Variants in CD8B2 observed in about 807,000 individuals in gnomAD.
CD8B2 encodes CD8B family member 2.
In CD8B2, 11 loss-of-function variants were observed where a neutral mutation model predicts 23.7. The observed-to-expected ratio is 0.46, with a 90% CI of 0.29 to 0.77. The LOEUF (loss-of-function observed/expected upper bound fraction) is 0.77. Among genes scored for constraint, CD8B2 ranks in the 30% least tolerant of loss-of-function variants. CD8B2 has a pLI of 0.09. For missense variants in CD8B2, 197 were observed against 270.5 expected (o/e 0.73, Z 1.91); for synonymous variants, 90 against 109.3 (o/e 0.82, Z 1.10).
rs1043673871 is a variant in CD8B2 at position 106,507,488 on chromosome 2, C to T, written c.*548C>T. 16 of 985,118 alleles carry T rather than the reference C, an allele frequency of 1.6e-5. No homozygotes were observed. The highest frequency in any genetic ancestry group is 1.2e-4 in the Admixed American group (2 of 16,272). 61.0% of individuals were successfully genotyped at this position (985,118 alleles called of 1,614,324 possible). A position where few individuals can be genotyped will look rare whatever the true frequency, so the allele number is the denominator to read the frequency against. On this transcript the variant is annotated 3_prime_UTR_variant, in exon 6 of 6. Transcript: ENST00000643224. Reference sequence around the variant, plus strand: ...AGTCTCTGAGGGCTTCCTTTGGGGCCGGGAACTTGCGGGTTTGAGGATAGG... The same window carrying T: ...AGTCTCTGAGGGCTTCCTTTGGGGCTGGGAACTTGCGGGTTTGAGGATAGG...
intron 5 of CD8B2, among the ~76,000 whole-genome samples, chr2:106,504,640 A>C (rs1335943177): frequency 1.3e-5 from 2 of 152,218 alleles, no homozygotes; most frequent in Non-Finnish European, 2.9e-5. Flanking sequence ...CAGGAACCTA[A>C]GAGATAACCT....
chr2:106,535,827 G>A (rs553951584), intron 5 of CD8B2, among the ~76,000 whole-genome samples: 144 of 152,250 alleles, frequency 9.5e-4, no homozygotes, highest in African/African-American at 3.3e-3. Context: ...ATAAATACCT[G>A]AGGCTGGGCA....
At chr2:106,524,099 T>C (rs1300303383) in intron 5 of CD8B2, among the ~76,000 whole-genome samples, 1 of 152,128 alleles carries the variant, frequency 6.6e-6, no homozygotes, top group African/African-American at 2.4e-5. Flanking sequence ...GTGGGGCTGA[T>C]TGTTACAGGG....
intron 5 of CD8B2, among the ~76,000 whole-genome samples, chr2:106,541,820 C>T (rs571620437): frequency 7.2e-5 from 11 of 152,262 alleles, no homozygotes; most frequent in Non-Finnish European, 2.9e-5. Context: ...AGAGAACCTA[C>T]CAACATATTT....
chr2:106,526,135 G>A (rs1366085329), intron 5 of CD8B2, among the ~76,000 whole-genome samples: 3 of 151,920 alleles, frequency 2.0e-5, no homozygotes, highest in African/African-American at 7.3e-5. Flanking sequence ...CCAGCTATTC[G>A]GAGGCTGGGG....
intron 5 of CD8B2, among the ~76,000 whole-genome samples, chr2:106,532,146 C>A (rs557934384): frequency 1.3e-5 from 2 of 152,342 alleles, no homozygotes; most frequent in South Asian, 2.1e-4. Flanking sequence ...ACAAATATTT[C>A]CCGGAGTTTG....
At chr2:106,529,601 A>G (rs140099951) in intron 5 of CD8B2, among the ~76,000 whole-genome samples, 58 of 152,222 alleles carry the variant, frequency 3.8e-4, no homozygotes, top group African/African-American at 1.4e-3. Context: ...ATTTTCCTTT[A>G]TCTCCATTAC....
chr2:106,499,209 G>A (rs1334610771), intron 3 of CD8B2, among the ~76,000 whole-genome samples: 2 of 152,112 alleles, frequency 1.3e-5, no homozygotes, highest in East Asian at 1.9e-4. Context: ...ACATCCCTGC[G>A]ACCTGCACCC....
intron 3 of CD8B2, among the ~76,000 whole-genome samples, chr2:106,501,454 G>A (rs1419755894): frequency 1.3e-5 from 2 of 152,132 alleles, no homozygotes; most frequent in African/African-American, 4.8e-5. Context: ...GGCTGAGGCG[G>A]GTGGATCACT....
intron 5 of CD8B2, among the ~76,000 whole-genome samples, chr2:106,542,858 G>A (rs12476111): frequency 0.53 from 79,975 of 151,758 alleles, 21,551 homozygotes; most frequent in Non-Finnish European, 0.56. Context: ...ATCCAGCCCC[G>A]GCTTATCAAC....
rs1679536092 is a variant in CD8B2 at position 106,507,611 on chromosome 2, G to A, written c.*671G>A. On this transcript the variant is annotated 3_prime_UTR_variant, in exon 6 of 6. Transcript: ENST00000643224. The stretch of plus-strand genomic sequence containing the variant: ...TTAATGCTTCTTTCATTTTCTGTTT[G>A]TTTTATACAAATGTCTTAGTTGTAC... 2.1e-6 allele frequency: 2 copies of A among 962,446 alleles called. No homozygotes were observed. Among genetic ancestry groups the A allele is most frequent in the African/African-American group, 1.8e-5 (1 of 56,818 alleles). The allele number at this position is 962,446 out of a possible 1,614,324, so 59.6% of individuals were successfully genotyped here. A position where few individuals can be genotyped will look rare whatever the true frequency, so the allele number is the denominator to read the frequency against.
intron 2 of CD8B2, among the ~76,000 whole-genome samples, chr2:106,492,904 G>A (rs918306372): frequency 1.3e-5 from 2 of 152,158 alleles, no homozygotes; most frequent in African/African-American, 4.8e-5. Context: ...GGAGTTTGGG[G>A]TTTGGGGTTT....
intron 5 of CD8B2, chr2:106,543,127 G>T (rs995833368): frequency 6.6e-6 from 1 of 152,178 alleles, no homozygotes; most frequent in South Asian, 2.1e-4. Flanking sequence ...ACTTCAATGC[G>T]GAAGGACCCG....
At position 106,491,043 on chromosome 2, in the gene CD8B2, C is replaced by T; in HGVS notation, c.213C>T (p.Thr71=). 1 of 1,613,932 alleles carries T rather than the reference C, an allele frequency of 6.2e-7. No individual in the cohort carries two copies. Among genetic ancestry groups the T allele is most frequent in the Non-Finnish European group, 8.5e-7 (1 of 1,179,840 alleles). Residue 71 remains threonine, a synonymous_variant, in exon 2 of 6, where the codon ACC becomes ACT. Coordinates refer to ENST00000643224, the MANE Select transcript of CD8B2 (RefSeq NM_001349727.2). ...PSSDSHHEFL[T]LWDSAKGTIH... ...GTGATAGTCACCACGAGTTCCTGAC[C>T]CTCTGGGATTCCGCAAAAGGGACTA...
At chr2:106,516,738 A>T (rs893639883) in intron 5 of CD8B2, among the ~76,000 whole-genome samples, 2 of 152,124 alleles carry the variant, frequency 1.3e-5, no homozygotes, top group African/African-American at 2.4e-5. Flanking sequence ...TACCACAGCC[A>T]TAAGTTATAC....
At chr2:106,533,384 T>C (rs1680020199) in intron 5 of CD8B2, among the ~76,000 whole-genome samples, 1 of 152,212 alleles carries the variant, frequency 6.6e-6, no homozygotes, top group Non-Finnish European at 1.5e-5. Flanking sequence ...AAGGGATTGA[T>C]TCTGAATATT....
chr2:106,509,512 C>T lies in CD8B2; in HGVS notation c.*2572C>T, dbSNP rs1265168453. The T allele has an allele frequency of 6.6e-6, 1 of 152,296 alleles. No individual in the cohort carries two copies. The highest frequency in any genetic ancestry group is 1.5e-5 in the Non-Finnish European group (1 of 68,142). 9.4% of individuals were successfully genotyped at this position (152,296 alleles called of 1,614,324 possible). A position where few individuals can be genotyped will look rare whatever the true frequency, so the allele number is the denominator to read the frequency against. ...TGCAGGCTTTGAAATTTGACCATCT[C>T]CCTGCTGCTGTCTTTGCAATTGCAT... On this transcript the variant is annotated 3_prime_UTR_variant, in exon 6 of 6. Coordinates refer to ENST00000643224, the MANE Select transcript of CD8B2 (RefSeq NM_001349727.2).
At chr2:106,531,373 A>T (rs1679987526) in intron 5 of CD8B2, among the ~76,000 whole-genome samples, 1 of 152,146 alleles carries the variant, frequency 6.6e-6, no homozygotes, top group South Asian at 2.1e-4. Flanking sequence ...GCAATAATCC[A>T]ATTGCCCCAA....
rs185643717 is a variant in CD8B2 at position 106,497,138 on chromosome 2, G to A, written c.493+876G>A. On this transcript the variant is annotated intron_variant, in intron 3 of 5. Transcript: ENST00000643224. The stretch of plus-strand genomic sequence containing the variant: ...AAAAATGTAAAAAAATTAGATGGGC[G>A]TGGTGGCACATGCCTGTAGTCCCAG... 1.4e-4 allele frequency among the ~76,000 whole-genome samples: 22 copies of A among 152,254 alleles called. No individual in the cohort carries two copies. In the East Asian group the frequency reaches 2.1e-3, roughly 15 times the overall value.
Sources: gnomAD v4.1 joint callset for allele counts (sites outside exome capture counted in the v4.1 genomes callset) on GRCh38, gnomAD v4.1.1 for gene constraint, MANE v1.5 for transcripts, NCBI Gene and HGNC (gene_info 2026-07-23, HGNC 2026-07-21) for gene names.